The following SPATA45 variants were observed in gnomAD, a reference collection of about 807,000 sequenced individuals.
SPATA45 encodes spermatogenesis associated 45.
Under a neutral mutation model 7.0 loss-of-function variants are expected in SPATA45, and 5 were observed. The observed-to-expected ratio is 0.71, with a 90% confidence interval of 0.37 to 1.50. SPATA45 has a LOEUF of 1.50. Ranked by LOEUF, SPATA45 falls within the 40% of genes most tolerant of loss-of-function variation. SPATA45 has a pLI of 0.03. For missense variants in SPATA45, 111 were observed against 114.9 expected (o/e 0.97, Z 0.16); for synonymous variants, 40 against 38.7 (o/e 1.03, Z -0.13).
intron 1 of SPATA45, among the ~76,000 whole-genome samples, chr1:212,840,279 G>A (rs538203836): frequency 2.6e-4 from 40 of 151,822 alleles, no homozygotes; most frequent in East Asian, 9.7e-4. Context: ...GCGTGGTGGC[G>A]CGCACCTGTA....
At chr1:212,847,518 A>G (rs909599268) in intron 1 of SPATA45, 62 bp downstream of exon 1, 3 of 152,216 alleles carry the variant, frequency 2.0e-5, no homozygotes, top group African/African-American at 7.2e-5. Flanking sequence ...TATCATAATA[A>G]TAAGAATTGA....
At chr1:212,831,094 C>G (rs548107027) in intron 2 of SPATA45, among the ~76,000 whole-genome samples, 3 of 150,402 alleles carry the variant, frequency 2.0e-5, no homozygotes, top group Non-Finnish European at 4.4e-5. Flanking sequence ...GAGCCAAGAT[C>G]GAGCCACTGC....
intron 2 of SPATA45, among the ~76,000 whole-genome samples, chr1:212,833,916 C>A (rs1456135000): frequency 6.6e-6 from 1 of 151,826 alleles, no homozygotes; most frequent in Non-Finnish European, 1.5e-5. Context: ...CCATGCCTTC[C>A]TCACTAAGCT....
chr1:212,830,296 T>C lies in SPATA45; in HGVS notation c.278-35A>G, dbSNP rs1383127798. On this transcript the variant is annotated intron_variant, in intron 2 of 2. Transcript: ENST00000332912. ...TAAAAAATAAAAAGTATTTGTTATA[T>C]AACTTATAACACATTTCATGGTTTT... 10 of 1,203,596 alleles carry C rather than the reference T, an allele frequency of 8.3e-6. 1 individual carries two copies. Among genetic ancestry groups the C allele is most frequent in the Non-Finnish European group, 1.2e-5 (10 of 838,732 alleles). The allele number at this position is 1,203,596 out of a possible 1,614,324, so 74.6% of individuals were successfully genotyped here.
At chr1:212,845,247 C>T (rs890956214) in intron 1 of SPATA45, among the ~76,000 whole-genome samples, 2 of 152,154 alleles carry the variant, frequency 1.3e-5, no homozygotes, top group African/African-American at 4.8e-5. Context: ...TATTCTACTA[C>T]CCCTCAGGGA....
chr1:212,843,382 A>G (rs1233814961), intron 1 of SPATA45, among the ~76,000 whole-genome samples: 1 of 152,244 alleles, frequency 6.6e-6, no homozygotes, highest in Non-Finnish European at 1.5e-5. Flanking sequence ...ATAAATACCA[A>G]GAGCTTAATA....
intron 1 of SPATA45, among the ~76,000 whole-genome samples, chr1:212,846,462 G>A (rs1397135413): frequency 1.3e-5 from 2 of 152,110 alleles, no homozygotes; most frequent in Non-Finnish European, 2.9e-5. Context: ...TGAAGCAACT[G>A]AATATCCACA....
intron 2 of SPATA45, among the ~76,000 whole-genome samples, chr1:212,833,339 C>T (rs944102325): frequency 5.9e-5 from 9 of 151,384 alleles, no homozygotes; most frequent in African/African-American, 2.2e-4. Flanking sequence ...ATTTGGTTTT[C>T]CATTCCTGAG....
At chr1:212,830,529 G>A (rs185145282) in intron 2 of SPATA45, among the ~76,000 whole-genome samples, 43 of 150,294 alleles carry the variant, frequency 2.9e-4, no homozygotes, top group African/African-American at 9.2e-4. Context: ...AAAATTAGCC[G>A]GGCGTCGTGG....
intron 2 of SPATA45, among the ~76,000 whole-genome samples, chr1:212,832,914 T>C (rs1663518010): frequency 6.6e-6 from 1 of 151,494 alleles, no homozygotes; most frequent in Non-Finnish European, 1.5e-5. Context: ...CCTGAGTTCC[T>C]AATTTGTGCC....
rs928958636 is a variant in SPATA45, at chr1:212,838,027, G to T, written c.-38-1840C>A. On this transcript the variant is annotated intron_variant, in intron 1 of 2. Coordinates refer to ENST00000332912, the MANE Select transcript of SPATA45 (RefSeq NM_001024601.3). The stretch of plus-strand genomic sequence containing the variant: ...AGAAGACAAAGAAATGGGGCTGGGC[G>T]TGATGGCTCACACCTACAATCCCAG... 2.0e-5 allele frequency among the ~76,000 whole-genome samples: 3 copies of T among 151,582 alleles called. 1 individual carries two copies. Among genetic ancestry groups the T allele is most frequent in the Non-Finnish European group, 3.0e-5 (2 of 67,738 alleles).
At chr1:212,836,296 A>G in intron 1 of SPATA45, 109 bp from the exon 2 acceptor site, 1 of 809,908 alleles carries the variant, frequency 1.2e-6, no homozygotes. Flanking sequence ...TAACACCACA[A>G]CCACCACCAA....
intron 2 of SPATA45, among the ~76,000 whole-genome samples, chr1:212,833,463 A>G (rs6689799): frequency 0.65 from 95,013 of 146,080 alleles, 31,760 homozygotes; most frequent in Non-Finnish European, 0.68. Flanking sequence ...GTTTGAAACC[A>G]GTCTGGCCAA....
chr1:212,832,362 T>A (rs1432107978), intron 2 of SPATA45, among the ~76,000 whole-genome samples: 15 of 52,884 alleles, frequency 2.8e-4, no homozygotes, highest in Admixed American at 1.3e-3. Context: ...ATCTAAGCTT[T>A]TTTTTTTTTT....
intron 1 of SPATA45, among the ~76,000 whole-genome samples, chr1:212,846,987 G>A (rs1192696414): frequency 6.6e-6 from 1 of 151,962 alleles, no homozygotes; most frequent in Non-Finnish European, 1.5e-5. Flanking sequence ...AACCTCCCGG[G>A]CTCAGGTGAT....
At chr1:212,832,150 C>G (rs986979757) in intron 2 of SPATA45, among the ~76,000 whole-genome samples, 4 of 149,646 alleles carry the variant, frequency 2.7e-5, no homozygotes, top group Non-Finnish European at 5.9e-5. Context: ...TCCAGAGTAG[C>G]TAGGATTACA....
At chr1:212,840,556 G>C (rs776981187) in intron 1 of SPATA45, among the ~76,000 whole-genome samples, 1 of 151,972 alleles carries the variant, frequency 6.6e-6, no homozygotes, top group Non-Finnish European at 1.5e-5. Flanking sequence ...AAGTAGCTGG[G>C]ATTACAGAGG....
At chr1:212,842,657 A>G (rs1430154846) in intron 1 of SPATA45, among the ~76,000 whole-genome samples, 1 of 152,136 alleles carries the variant, frequency 6.6e-6, no homozygotes, top group Non-Finnish European at 1.5e-5. Flanking sequence ...TCTGGGCCTC[A>G]GTTTCCTGAT....
intron 1 of SPATA45, among the ~76,000 whole-genome samples, chr1:212,839,163 G>T (rs896464326): frequency 6.8e-6 from 1 of 146,126 alleles, no homozygotes; most frequent in Non-Finnish European, 1.5e-5. Flanking sequence ...TTTTACCTGA[G>T]ATGCTAATTC....
Sources: allele counts gnomAD v4.1 joint callset (sites outside exome capture counted in the v4.1 genomes callset), GRCh38; gene constraint gnomAD v4.1.1; transcripts MANE v1.5; gene names NCBI Gene and HGNC (gene_info 2026-07-23, HGNC 2026-07-21).